The following RAD52 variants were observed in gnomAD, a reference collection of about 807,000 sequenced individuals.
RAD52 encodes RAD52 DNA repair protein, also known as DNA repair protein RAD52 homolog.
Under a neutral mutation model 55.5 loss-of-function variants are expected in RAD52, and 47 were observed. The observed-to-expected ratio is 0.85, with a 90% CI of 0.67 to 1.08. The LOEUF (loss-of-function observed/expected upper bound fraction) is 1.08, where lower values mean the gene tolerates loss of function less well. RAD52 is among the 50% of genes least tolerant of loss of function. The pLI is 0.00. For synonymous variants in RAD52, 184 were observed against 198.9 expected, an observed-to-expected ratio of 0.92 and a Z score of 0.63; for missense variants, 468 against 522.8, an observed-to-expected ratio of 0.90 and a Z score of 1.02.
chr12:930,623 A>C (rs1220071069), intron 3 of RAD52, among the ~76,000 whole-genome samples: 1 of 150,148 alleles, frequency 6.7e-6, no homozygotes, highest in Non-Finnish European at 1.5e-5. Flanking sequence ...TTCTTTAAAA[A>C]GTGTTTAATT....
At chr12:968,782 C>T (rs982303692) in intron 1 of RAD52, among the ~76,000 whole-genome samples, 2 of 152,030 alleles carry the variant, frequency 1.3e-5, no homozygotes, top group African/African-American at 2.4e-5. Context: ...CCTGCCCTTC[C>T]CCATAAGAAT....
chr12:942,547 G>C (rs1393665750), intron 1 of RAD52, among the ~76,000 whole-genome samples: 1 of 152,140 alleles, frequency 6.6e-6, no homozygotes, highest in African/African-American at 2.4e-5. Flanking sequence ...AAGAGTTCAA[G>C]ACCAACCTGG....
chr12:935,915 C>G, intron 1 of RAD52, among the ~76,000 whole-genome samples: 1 of 147,546 alleles, frequency 6.8e-6, no homozygotes, highest in African/African-American at 2.5e-5. Flanking sequence ...GACGGGGTTT[C>G]ACCATGTTGG....
chr12:929,917 G>A, intron 4 of RAD52, 31 bp from the exon 5 acceptor site: 1 of 1,600,218 alleles, frequency 6.2e-7, no homozygotes, highest in Non-Finnish European at 8.6e-7. Flanking sequence ...AAGTTGAAGA[G>A]GACACTGACC....
rs1027809738 is a variant in RAD52, at chr12:911,794, G to A, written c.*1597C>T. On this transcript the variant is annotated 3_prime_UTR_variant, in exon 12 of 12. Transcript: ENST00000358495. ...ACTTTTTACTTTGGGAGGCCGAGGT[G>A]GGCAGATCACTTGAGGTCAGTTTGA... 5.9e-5 allele frequency among the ~76,000 whole-genome samples: 9 copies of A among 152,150 alleles called. No homozygotes were observed. Among genetic ancestry groups the A allele is most frequent in the African/African-American group, 1.9e-4 (8 of 41,424 alleles).
At chr12:980,262 A>G (rs1370112850) in intron 1 of RAD52, among the ~76,000 whole-genome samples, 1 of 149,334 alleles carries the variant, frequency 6.7e-6, no homozygotes, top group Non-Finnish European at 1.5e-5. Context: ...CGGATATGTG[A>G]TTTGCAAAAT....
intron 1 of RAD52, among the ~76,000 whole-genome samples, chr12:955,423 T>C (rs1311894217): frequency 6.6e-6 from 1 of 152,246 alleles, no homozygotes; most frequent in Non-Finnish European, 1.5e-5. Flanking sequence ...CAACCCATTA[T>C]CTTGCTAACA....
chr12:969,907 T>C (rs1410482360), intron 1 of RAD52, among the ~76,000 whole-genome samples: 2 of 152,004 alleles, frequency 1.3e-5, no homozygotes, highest in African/African-American at 4.8e-5. Context: ...ATTCCATATA[T>C]ACTGGTGATA....
At chr12:926,665 G>T in intron 6 of RAD52, 1 of 1,017,452 alleles carries the variant, frequency 9.8e-7, no homozygotes. Context: ...TTCCAGTACA[G>T]TCCACAGAAT....
intron 1 of RAD52, among the ~76,000 whole-genome samples, chr12:971,805 T>C (rs552684670): frequency 1.3e-5 from 2 of 152,114 alleles, no homozygotes; most frequent in Non-Finnish European, 1.5e-5. Flanking sequence ...TGGAGTGCAG[T>C]GGCGCGATCT....
At chr12:985,454 T>C (rs1959074093) in intron 1 of RAD52, among the ~76,000 whole-genome samples, 1 of 152,198 alleles carries the variant, frequency 6.6e-6, no homozygotes, top group African/African-American at 2.4e-5. Context: ...CTCAATTTTT[T>C]TCTTTTGTTA....
chr12:918,392 CTTTGTTTTTTGT>C (rs1002233049), intron 7 of RAD52, among the ~76,000 whole-genome samples: 3 of 151,798 alleles, frequency 2.0e-5, no homozygotes, highest in Non-Finnish European at 4.4e-5. Context: ...TGGTGGCTTT[CTTTGTTTTTTGT>C]TTTGTTTTTT....
chr12:934,103 CAA>C (rs528889211), intron 1 of RAD52, among the ~76,000 whole-genome samples: 5 of 64,212 alleles, frequency 7.8e-5, no homozygotes, highest in Admixed American at 1.8e-4. Context: ...GACTCTGTCT[CAA>C]AAAAAAAAAA....
At chr12:962,716 A>G (rs1592475581) in intron 1 of RAD52, among the ~76,000 whole-genome samples, 1 of 149,132 alleles carries the variant, frequency 6.7e-6, no homozygotes, top group East Asian at 2.0e-4. Context: ...TTATCTATCT[A>G]TTTATTTATT....
chr12:970,878 TTGAACCAAATACATATA>T (rs150529267), intron 1 of RAD52, among the ~76,000 whole-genome samples: 5,946 of 147,176 alleles, frequency 0.04, 380 homozygotes, highest in African/African-American at 0.15. Context: ...TGCTGAGACT[TTGAACCAAATACATATA>T]TTTTGAACCA....
intron 1 of RAD52, among the ~76,000 whole-genome samples, chr12:954,963 G>C (rs189831789): frequency 6.6e-6 from 1 of 152,292 alleles, no homozygotes; most frequent in East Asian, 1.9e-4. Flanking sequence ...GAAAGACTCT[G>C]ACTCACTGGA....
At chr12:945,495 G>T (rs1458043268) in intron 1 of RAD52, among the ~76,000 whole-genome samples, 1 of 150,886 alleles carries the variant, frequency 6.6e-6, no homozygotes, top group Non-Finnish European at 1.5e-5. Context: ...GTACAGTGGC[G>T]CAATCTCAGC....
At chr12:963,723 T>C (rs1438237552) in intron 1 of RAD52, among the ~76,000 whole-genome samples, 4 of 152,116 alleles carry the variant, frequency 2.6e-5, no homozygotes, top group Non-Finnish European at 5.9e-5. Flanking sequence ...CTCATTTTTA[T>C]GTATGGATTA....
At chr12:940,862 A>G (rs1281520626) in intron 1 of RAD52, among the ~76,000 whole-genome samples, 1 of 152,144 alleles carries the variant, frequency 6.6e-6, no homozygotes, top group Non-Finnish European at 1.5e-5. Flanking sequence ...TTCGAGAAAA[A>G]AAAAAGATTG....
Sources: allele counts gnomAD v4.1 joint callset (sites outside exome capture counted in the v4.1 genomes callset), GRCh38; gene constraint gnomAD v4.1.1; transcripts MANE v1.5; gene names NCBI Gene and HGNC (gene_info 2026-07-23, HGNC 2026-07-21).